Variants in APOL4 observed in about 807,000 individuals in gnomAD.
APOL4 encodes apolipoprotein L, 4.
Under a neutral mutation model 12.1 loss-of-function variants are expected in APOL4, and 14 were observed. The ratio of observed to expected loss-of-function variants is 1.16; its 90% CI spans 0.76 to 1.81. The LOEUF is 1.81. APOL4 is among the 40% of genes most tolerant of loss of function. APOL4 has a pLI of 0.00. For synonymous variants in APOL4, 171 were observed against 160.6 expected (o/e 1.06, Z -0.49); for missense variants, 432 against 423.1 (o/e 1.02, Z -0.18).
intron 2 of APOL4, 148 bp from the exon 3 acceptor site, chr22:36,195,585 G>A: frequency 1.2e-6 from 1 of 851,112 alleles, no homozygotes; most frequent in South Asian, 1.8e-5. Flanking sequence ...AGACTGAATT[G>A]TGTGCCCCCC....
intron 3 of APOL4, among the ~76,000 whole-genome samples, chr22:36,193,191 C>G (rs574090298): frequency 6.6e-6 from 1 of 152,168 alleles, no homozygotes; most frequent in African/African-American, 2.4e-5. Context: ...CAGGAACCCC[C>G]CACTCTGGTG....
intron 3 of APOL4, among the ~76,000 whole-genome samples, chr22:36,194,438 C>A (rs1281480059): frequency 1.3e-5 from 2 of 152,214 alleles, no homozygotes; most frequent in Admixed American, 6.5e-5. Context: ...GATGCTCCAG[C>A]CTTCCTGCTG....
chr22:36,202,053 C>G (rs2014599800), upstream of APOL4: 4 of 1,613,896 alleles, frequency 2.5e-6, no homozygotes, highest in South Asian at 4.4e-5. Context: ...GCGGGGCCTC[C>G]TCCTTGGGCA....
chr22:36,203,831 C>G (rs184564308), upstream of APOL4, among the ~76,000 whole-genome samples: 1 of 152,334 alleles, frequency 6.6e-6, no homozygotes, highest in African/African-American at 2.4e-5. Flanking sequence ...CTGGCATTGT[C>G]TTTACACAAT....
chr22:36,201,111 G>A (rs918800762), intron 1 of APOL4, among the ~76,000 whole-genome samples: 3 of 150,888 alleles, frequency 2.0e-5, no homozygotes, highest in Admixed American at 2.0e-4. Flanking sequence ...TAGAGGGAGG[G>A]TACAAATAAG....
chr22:36,202,150 A>G, upstream of APOL4: 1 of 1,550,732 alleles, frequency 6.4e-7, no homozygotes, highest in Non-Finnish European at 8.9e-7. Flanking sequence ...TGTGTCACCC[A>G]GGCTGCAGGG....
At chr22:36,194,252 C>T (rs1262090838) in intron 3 of APOL4, among the ~76,000 whole-genome samples, 6 of 152,136 alleles carry the variant, frequency 3.9e-5, no homozygotes, top group Non-Finnish European at 8.8e-5. Flanking sequence ...CTCCCCATTT[C>T]CCAGGCATGG....
chr22:36,201,789 T>C lies in APOL4; in HGVS notation c.-55A>G. 6.3e-7 allele frequency: 1 copy of C among 1,583,790 alleles called. No individual in the cohort carries two copies. Among genetic ancestry groups the C allele is most frequent in the Non-Finnish European group, 8.6e-7 (1 of 1,164,528 alleles). ...ACGCTGATCTGGGGCCTCTGCTGAA[T>C]GTTGAGGCTGGATACTGACTGTTAG... On this transcript the variant is annotated 5_prime_UTR_variant, in exon 1 of 4. Coordinates refer to ENST00000683024, the MANE Select transcript of APOL4 (RefSeq NM_001386885.1).
intron 2 of APOL4, chr22:36,197,677 T>G: frequency 1.9e-6 from 3 of 1,550,332 alleles, no homozygotes; most frequent in Non-Finnish European, 2.6e-6. Context: ...CGGCCAGTCA[T>G]GAGCAGCCAG....
At chr22:36,198,473 G>A (rs1215013730) in intron 2 of APOL4, among the ~76,000 whole-genome samples, 1 of 152,168 alleles carries the variant, frequency 6.6e-6, no homozygotes, top group Non-Finnish European at 1.5e-5. Flanking sequence ...AAATGTTGTT[G>A]TGCCTCAGAT....
At chr22:36,195,274 C>T (rs1220708284) in intron 3 of APOL4, 37 bp downstream of exon 3, 10 of 1,599,118 alleles carry the variant, frequency 6.3e-6, no homozygotes, top group Admixed American at 5.2e-5. Context: ...GGTGGCATCA[C>T]CGGGGTGCCC....
At position 36,190,839 on chromosome 22, in the gene APOL4, A is replaced by G; in HGVS notation, c.*236T>C. 1 of 515,732 alleles carries G rather than the reference A, an allele frequency of 1.9e-6. No homozygotes were observed. The highest frequency in any genetic ancestry group is 3.5e-6 in the Non-Finnish European group (1 of 288,552). The allele number at this position is 515,732 out of a possible 1,614,324, so 31.9% of individuals were successfully genotyped here. A position where few individuals can be genotyped will look rare whatever the true frequency, so the allele number is the denominator to read the frequency against. ...CCTCAGCTGACAGGATTAGGAGATT[A>G]AAGTAAAGACAGGCATAAGAAATCA... On this transcript the variant is annotated 3_prime_UTR_variant, in exon 4 of 4. Coordinates refer to ENST00000683024, the MANE Select transcript of APOL4 (RefSeq NM_001386885.1).
At chr22:36,199,265 T>G (rs2014499343) in intron 2 of APOL4, 65 bp downstream of exon 2, 2 of 1,596,322 alleles carry the variant, frequency 1.3e-6, no homozygotes, top group African/African-American at 2.7e-5. Context: ...ATTCTAGCTG[T>G]GGGTAGGAAC....
chr22:36,201,667 C>G lies in APOL4; in HGVS notation c.35+33G>C, dbSNP rs751946219. The G allele has an allele frequency of 6.3e-5, 99 of 1,583,722 alleles. 1 individual carries two copies. The Admixed American group carries it at 6.4e-4, about 10-fold the overall frequency. On this transcript the variant is annotated intron_variant, in intron 1 of 3. Transcript: ENST00000683024. ...GGAGGACCAGGAGAGAGCAGAGGAG[C>G]AGGAGGGCAGAGAGCTGGGGCCTCG...
At chr22:36,198,745 G>A (rs1373976415) in intron 2 of APOL4, among the ~76,000 whole-genome samples, 1 of 152,164 alleles carries the variant, frequency 6.6e-6, no homozygotes, top group African/African-American at 2.4e-5. Flanking sequence ...GTGCAGGTGA[G>A]GAGGAGTAAG....
At chr22:36,200,855 T>A (rs533189261) in intron 1 of APOL4, among the ~76,000 whole-genome samples, 121 of 152,350 alleles carry the variant, frequency 7.9e-4, no homozygotes, top group Non-Finnish European at 1.5e-3. Context: ...ATTTGAGAAC[T>A]AAATATCTTG....
chr22:36,204,521 G>A (rs373625871), upstream of APOL4: 14 of 220,226 alleles, frequency 6.4e-5, no homozygotes, highest in African/African-American at 3.2e-4. Flanking sequence ...ATCTGAACGA[G>A]TTACCTAACC....
At chr22:36,193,055 A>G (rs1236821378) in intron 3 of APOL4, among the ~76,000 whole-genome samples, 2 of 152,180 alleles carry the variant, frequency 1.3e-5, no homozygotes, top group Non-Finnish European at 2.9e-5. Flanking sequence ...CCCAAAGTCA[A>G]TTTAGAGAGG....
At chr22:36,196,657 A>C (rs1427683788) in intron 2 of APOL4, among the ~76,000 whole-genome samples, 1 of 152,182 alleles carries the variant, frequency 6.6e-6, no homozygotes, top group Non-Finnish European at 1.5e-5. Context: ...GTATTTATGT[A>C]TGCACTGGGA....
Sources: allele counts gnomAD v4.1 joint callset (sites outside exome capture counted in the v4.1 genomes callset), GRCh38; gene constraint gnomAD v4.1.1; transcripts MANE v1.5; gene names NCBI Gene and HGNC (gene_info 2026-07-23, HGNC 2026-07-21).